Variants in RNF20 observed in about 807,000 individuals in gnomAD.
RNF20 encodes the protein ring finger protein 20, also known as E3 ubiquitin-protein ligase BRE1A.
In RNF20, 84 loss-of-function variants were observed where a neutral mutation model predicts 126.2. The ratio of observed to expected loss-of-function variants is 0.67; its 90% CI spans 0.56 to 0.80. The LOEUF (loss-of-function observed/expected upper bound fraction) is 0.80. Ranked by LOEUF, RNF20 falls within the 30% of genes least tolerant of loss-of-function variation. RNF20 has a pLI of 0.00. For missense variants in RNF20, 869 were observed against 1,188.2 expected (o/e 0.73, Z 3.95); for synonymous variants, 400 against 414.3 (o/e 0.97, Z 0.42).
intron 15 of RNF20, 106 bp from the exon 16 acceptor site, chr9:101,557,278 A>C: frequency 2.6e-6 from 2 of 775,170 alleles, no homozygotes; most frequent in Non-Finnish European, 2.1e-6. Context: ...CTCTGTCACT[A>C]AATTAATTTA....
chr9:101,545,775 G>A (rs1827336575), intron 6 of RNF20, among the ~76,000 whole-genome samples: 1 of 152,168 alleles, frequency 6.6e-6, no homozygotes, highest in Admixed American at 6.5e-5. Flanking sequence ...ACATTGACTA[G>A]GTGCTACCAA....
rs1827647741 is a variant in RNF20 at position 101,562,794 on chromosome 9, A to G, written c.*372A>G. ...TATTTTTGATGTGGAAAAGGGAACA[A>G]AAGTGGAAACATGGCTACTTTTGGG... On this transcript the variant is annotated 3_prime_UTR_variant, in exon 20 of 20. Transcript: ENST00000389120. 1 of 163,292 alleles carries G rather than the reference A, an allele frequency of 6.1e-6. No individual in the cohort carries two copies. Among genetic ancestry groups the G allele is most frequent in the Non-Finnish European group, 1.3e-5 (1 of 75,310 alleles). The allele number at this position is 163,292 out of a possible 1,614,324, so 10.1% of individuals were successfully genotyped here.
chr9:101,561,417 C>T (rs935671942), intron 18 of RNF20, 187 bp downstream of exon 18: 1 of 576,848 alleles, frequency 1.7e-6, no homozygotes, highest in Admixed American at 3.5e-5. Flanking sequence ...TGGTGCCTTG[C>T]ACCTAGTAGG....
rs1214878443 is a variant in RNF20 at position 101,552,508 on chromosome 9, A to G, written c.1656A>G (p.Ala552=). The stretch of plus-strand genomic sequence containing the variant: ...CCTCCCAGTCCTCAGCTTCAAAGGC[A>G]TCTCAGGAGGATGCCAATGAAATCA... ...DLSSQSSASK[A]SQEDANEIKS... Residue 552 remains alanine (A), a synonymous_variant, in exon 13 of 20, where the codon GCA becomes GCG. Transcript: ENST00000389120. 1 of 1,614,196 alleles carries G rather than the reference A, an allele frequency of 6.2e-7. No individual in the cohort carries two copies. The highest frequency in any genetic ancestry group is 8.5e-7 in the Non-Finnish European group (1 of 1,180,008).
At chr9:101,554,660 T>A (rs200471565) in intron 14 of RNF20, 34 bp from the exon 15 acceptor site, 226 of 1,593,776 alleles carry the variant, frequency 1.4e-4, no homozygotes, top group Non-Finnish European at 1.8e-4. Flanking sequence ...GTGTTATAAC[T>A]TTTTATTTTT....
At position 101,550,624 on chromosome 9, in the gene RNF20, G is replaced by T. The variant is rs189985748; in HGVS notation, c.1111G>T (p.Val371Leu). Residue 371 changes from valine to leucine, a missense_variant, in exon 10 of 20, where the codon GTG (valine) becomes TTG (leucine). This residue lies in a region of RNF20 where 153 missense variants were observed against 226.4 expected (regional missense o/e 0.68). Coordinates refer to ENST00000389120, the MANE Select transcript of RNF20 (RefSeq NM_019592.7). ...TCCTAAGGTGGAATTGCGGAGTGCA[G>T]TGGAGCAAGTCGTTAAGGAAACTCC... The part of the protein sequence containing the change: ...EKLKVELRSA[V>L]EQVVKETPEY... The T allele has an allele frequency of 1.9e-4, 309 of 1,614,126 alleles. 4 individuals are homozygous for T. In the Admixed American group the frequency reaches 2.9e-3, roughly 15 times the overall value.
chr9:101,549,403 A>G (rs1456940119), intron 9 of RNF20, among the ~76,000 whole-genome samples: 1 of 152,106 alleles, frequency 6.6e-6, no homozygotes, highest in Admixed American at 6.5e-5. Context: ...TACTTTCACT[A>G]ATTTGCTACT....
chr9:101,537,736 A>G lies in RNF20; in HGVS notation c.129+2184A>G, dbSNP rs375046697. ...GAAGCTCAATGAAGAAAGTATTTCAAGAAGGAGCTGATTAGGTGCTGCTGA... is the reference window on the plus strand; with the variant it reads ...GAAGCTCAATGAAGAAAGTATTTCAGGAAGGAGCTGATTAGGTGCTGCTGA... On this transcript the variant is annotated intron_variant, in intron 2 of 19. Transcript: ENST00000389120. 2.6e-5 allele frequency among the ~76,000 whole-genome samples: 4 copies of G among 152,336 alleles called. No individual in the cohort carries two copies. In the South Asian group the frequency reaches 8.3e-4, roughly 32 times the overall value.
At chr9:101,559,506 A>G (rs779991777) in intron 16 of RNF20, among the ~76,000 whole-genome samples, 3 of 152,172 alleles carry the variant, frequency 2.0e-5, no homozygotes, top group Non-Finnish European at 4.4e-5. Flanking sequence ...CATTTTCACA[A>G]TATTGATTCT....
rs761878562 is a variant in RNF20 at position 101,552,723 on chromosome 9, A to C, written c.1871A>C (p.Glu624Ala). The C allele has an allele frequency of 1.9e-6, 3 of 1,607,222 alleles. No individual in the cohort carries two copies. Among genetic ancestry groups the C allele is most frequent in the Non-Finnish European group, 2.6e-6 (3 of 1,175,304 alleles). ...GATGATGGACGGAAAAAGGAAGCAGAAATTATCAAACAATTGAAGATTGAA... is the reference window on the plus strand; with the variant it reads ...GATGATGGACGGAAAAAGGAAGCAGCAATTATCAAACAATTGAAGATTGAA... ...KHDDGRKKEA[E>A]IIKQLKIELK... is the part of the protein sequence containing the mutation. Residue 624 changes from glutamate to alanine, a missense_variant, in exon 13 of 20, where the codon GAA (glutamate) becomes GCA (alanine). Physicochemically the swap from Glu to Ala is moderately radical, Grantham distance 107. Around this residue, in one of 8 missense-constraint regions of RNF20, gnomAD observed 231 missense variants for 263.6 expected, o/e 0.88. Coordinates refer to ENST00000389120, the MANE Select transcript of RNF20 (RefSeq NM_019592.7).
At chr9:101,552,816 A>G in intron 13 of RNF20, 63 bp downstream of exon 13, 1 of 1,467,414 alleles carries the variant, frequency 6.8e-7, no homozygotes, top group Non-Finnish European at 9.2e-7. Context: ...ATCATGCATG[A>G]AATGTTTGGT....
intron 5 of RNF20, among the ~76,000 whole-genome samples, chr9:101,541,287 T>G (rs1164988064): frequency 1.3e-5 from 2 of 152,166 alleles, no homozygotes; most frequent in African/African-American, 4.8e-5. Flanking sequence ...CCCAGGCTGG[T>G]CTCAAACTTG....
intron 9 of RNF20, among the ~76,000 whole-genome samples, chr9:101,549,054 C>T (rs547820978): frequency 1.3e-5 from 2 of 152,248 alleles, no homozygotes; most frequent in East Asian, 1.9e-4. Context: ...CCCACAGGGT[C>T]GGTGGGTCTC....
rs963587209 is a variant in RNF20 at position 101,535,545 on chromosome 9, C to G, written c.122C>G (p.Ser41Cys). The G allele has an allele frequency of 1.9e-6, 3 of 1,611,116 alleles. No homozygotes were observed. The South Asian group carries it at 3.3e-5, about 18-fold the overall frequency. The change falls in exon 2 of 20, where the codon TCT becomes TGT. Residue 41 changes from serine to cysteine, a missense_variant. By Grantham distance (112) the Ser-to-Cys change is moderately radical. Transcript: ENST00000389120. ...TVETIKLGGV[S>C]STEELDIRTL... ...GAAACAATTAAGCTAGGAGGTGTCT[C>G]TTCAACGGTATGAGGAAACAGTGCC...
chr9:101,550,275 G>A (rs1216217587), intron 9 of RNF20, among the ~76,000 whole-genome samples: 1 of 152,178 alleles, frequency 6.6e-6, no homozygotes, highest in African/African-American at 2.4e-5. Flanking sequence ...AAGAGAACAA[G>A]TTAGTGACTG....
chr9:101,560,880 A>G lies in RNF20; in HGVS notation c.2462A>G (p.Lys821Arg), dbSNP rs750604307. Residue 821 changes from lysine (K) to arginine (R), a missense_variant, in exon 17 of 20, where the codon AAA becomes AGA. This residue lies in a region of RNF20 where 150 missense variants were observed against 173.7 expected (regional missense o/e 0.86). Transcript: ENST00000389120. ...LLQSNIGTGE[K>R]ELGLRTQALE... ...CAGAGCAACATTGGCACAGGGGAGA[A>G]AGAGCTGGGTCTTAGGACCCAAGCC... 3.7e-6 allele frequency: 6 copies of G among 1,613,738 alleles called. No individual in the cohort carries two copies. The highest frequency in any genetic ancestry group is 5.1e-6 in the Non-Finnish European group (6 of 1,179,728).
chr9:101,540,219 G>A lies in RNF20; in HGVS notation c.146G>A (p.Arg49Lys). Reference protein sequence around the residue: ...GVSSTEELDIRTLQTKNRKLA... With the variant: ...GVSSTEELDIKTLQTKNRKLA... ...ACTGGGCAGGAGGAACTAGACATTA[G>A]AACACTGCAAACCAAAAATCGCAAG... Residue 49 changes from arginine to lysine, a missense_variant, in exon 3 of 20, where the codon AGA becomes AAA. Coordinates refer to ENST00000389120, the MANE Select transcript of RNF20 (RefSeq NM_019592.7). The A allele has an allele frequency of 3.1e-6, 5 of 1,614,064 alleles. No individual in the cohort carries two copies. The highest frequency in any genetic ancestry group is 4.2e-6 in the Non-Finnish European group (5 of 1,180,004).
In RNF20 at chr9:101,547,272, A is replaced by G. The variant is rs538146083; in HGVS notation, c.972+58A>G. Reference sequence around the variant, plus strand: ...TGTATGTCAGCTTTCATGCTTAGGTACTTAGGACTGTGTTCACAAGTGACA... The same window carrying G: ...TGTATGTCAGCTTTCATGCTTAGGTGCTTAGGACTGTGTTCACAAGTGACA... On this transcript the variant is annotated intron_variant, in intron 8 of 19. Coordinates refer to ENST00000389120, the MANE Select transcript of RNF20 (RefSeq NM_019592.7). 7.5e-6 allele frequency: 12 copies of G among 1,599,530 alleles called. No individual in the cohort carries two copies. The African/African-American group carries it at 9.4e-5, about 12-fold the overall frequency.
intron 1 of RNF20, among the ~76,000 whole-genome samples, chr9:101,534,975 TCGGCTCACTGCAAGCTCCGCCTCC>T (rs529703992): frequency 6.6e-6 from 1 of 151,414 alleles, no homozygotes; most frequent in South Asian, 2.1e-4. Context: ...TGGTGCGATC[TCGGCTCACTGCAAGCTCCGCCTCC>T]CGGGTTCAAG....
Sources: gnomAD v4.1 joint callset for allele counts (sites outside exome capture counted in the v4.1 genomes callset) on GRCh38, gnomAD v4.1.1 for gene constraint, gnomAD v4.1.1 regional missense constraint, MANE v1.5 for transcripts, NCBI Gene and HGNC (gene_info 2026-07-23, HGNC 2026-07-21) for gene names.